PTRH1: variants seen among roughly 807,000 people sequenced by gnomAD.
The protein encoded by PTRH1 is peptidyl-tRNA hydrolase 1 homolog.
In PTRH1, 13 loss-of-function variants were observed where a neutral mutation model predicts 15.7. That is an observed-to-expected ratio of 0.83 (90% CI 0.54 to 1.31). PTRH1 has a LOEUF of 1.31. PTRH1 is among the 40% of genes most tolerant of loss of function. The pLI, the probability that PTRH1 is intolerant of heterozygous loss-of-function variation, is 0.00. For synonymous variants in PTRH1, 139 were observed against 136.7 expected (o/e 1.02, Z -0.12); for missense variants, 319 against 296.2 (o/e 1.08, Z -0.56).
At position 127,714,107 on chromosome 9, in the gene PTRH1, C is replaced by T; in HGVS notation, c.638G>A (p.Gly213Glu). The T allele has an allele frequency of 6.2e-7, 1 of 1,612,712 alleles. No homozygotes were observed. Among genetic ancestry groups the T allele is most frequent in the East Asian group, 2.2e-5 (1 of 44,854 alleles). The stretch of plus-strand genomic sequence containing the variant: ...CAGCCATGGCCACTAGTGTCACGGC[C>T]CCAGTGAGGGCCCCTGGCTTCGCTC... Reference protein sequence around the residue: ...IRERSQGPSLGP With the variant: ...IRERSQGPSLEP Residue 213 changes from glycine to glutamate, a missense_variant, in exon 5 of 5, where the codon GGG becomes GAG. Transcript: ENST00000543175.
At chr9:127,697,340 C>T (rs1842569372) in intron 1 of PTRH1, among the ~76,000 whole-genome samples, 1 of 152,136 alleles carries the variant, frequency 6.6e-6, no homozygotes, top group Admixed American at 6.5e-5. Flanking sequence ...AAAGTGGCAC[C>T]AGCTGTTGGC....
At chr9:127,698,515 A>G (rs1320390450) in intron 1 of PTRH1, among the ~76,000 whole-genome samples, 1 of 151,980 alleles carries the variant, frequency 6.6e-6, no homozygotes, top group African/African-American at 2.4e-5. Flanking sequence ...GTGAGACCTC[A>G]TCTCTACAAA....
chr9:127,704,519 A>G (rs538109460), intron 1 of PTRH1, among the ~76,000 whole-genome samples: 32 of 151,852 alleles, frequency 2.1e-4, no homozygotes, highest in Middle Eastern at 3.4e-3. Flanking sequence ...AAAAAAAAAA[A>G]AAAAGAAAAG....
chr9:127,708,145 C>T (rs917857593), intron 1 of PTRH1, among the ~76,000 whole-genome samples: 2 of 152,186 alleles, frequency 1.3e-5, no homozygotes, highest in Non-Finnish European at 2.9e-5. Context: ...TGTGTGCAGT[C>T]ACTATTTGAA....
At chr9:127,712,719 A>T, downstream of PTRH1, 1 of 1,614,134 alleles carries the variant, frequency 6.2e-7, no homozygotes, top group Non-Finnish European at 8.5e-7. Context: ...ATGCACCGCG[A>T]TGAAGAGGAC....
At chr9:127,712,603 A>C (rs775587587), downstream of PTRH1, 22 of 1,593,016 alleles carry the variant, frequency 1.4e-5, no homozygotes, top group Non-Finnish European at 1.7e-5. Context: ...ATCCCACCAC[A>C]GACAGGGAAA....
intron 1 of PTRH1, chr9:127,706,953 T>C: frequency 2.6e-6 from 4 of 1,537,656 alleles, no homozygotes; most frequent in Non-Finnish European, 3.5e-6. Context: ...TCCCTCGGCC[T>C]GTTGCTATGT....
intron 1 of PTRH1, among the ~76,000 whole-genome samples, chr9:127,701,164 T>C (rs1227988956): frequency 6.6e-6 from 1 of 152,188 alleles, no homozygotes; most frequent in Non-Finnish European, 1.5e-5. Flanking sequence ...TTCTCCTACC[T>C]GTCTCTGGTC....
At chr9:127,699,623 C>A (rs1842589289) in intron 1 of PTRH1, among the ~76,000 whole-genome samples, 1 of 151,996 alleles carries the variant, frequency 6.6e-6, no homozygotes, top group Non-Finnish European at 1.5e-5. Context: ...ACCAGTGACA[C>A]GCAGATTGGT....
chr9:127,714,528 G>C, intron 3 of PTRH1, 75 bp downstream of exon 3: 1 of 1,591,878 alleles, frequency 6.3e-7, no homozygotes, highest in South Asian at 1.1e-5. Context: ...TGTGGAGACT[G>C]GGTCAGCAGC....
At chr9:127,712,373 G>C, downstream of PTRH1, 1 of 1,612,288 alleles carries the variant, frequency 6.2e-7, no homozygotes. Flanking sequence ...AGAGAGGGAG[G>C]GCGCAAGGGG....
intron 4 of PTRH1, 48 bp downstream of exon 4, chr9:127,714,331 G>T (rs1318680442): frequency 1.9e-6 from 3 of 1,614,088 alleles, no homozygotes; most frequent in African/African-American, 1.3e-5. Flanking sequence ...GGTGCTGGGG[G>T]ACCCCTGGCC....
chr9:127,713,358 G>A (rs569702729), downstream of PTRH1: 57 of 638,728 alleles, frequency 8.9e-5, no homozygotes, highest in Middle Eastern at 4.4e-4. Context: ...GAAAGGAGTG[G>A]CCAAGCCTCA....
At chr9:127,714,747 A>G (rs1318553488) in intron 2 of PTRH1, 45 bp from the exon 3 acceptor site, 7 of 1,505,168 alleles carry the variant, frequency 4.7e-6, no homozygotes, top group Non-Finnish European at 5.5e-6. Flanking sequence ...CCATCTGCCC[A>G]GAGAGGCACT....
Position 127,715,598 on chromosome 9 carries a change from A to G in PTRH1, c.42T>C (p.Ser14=), listed in dbSNP as rs1842953143. The change falls in exon 1 of 5, where the codon AGT becomes AGC. Residue 14 remains serine, a synonymous_variant. Coordinates refer to ENST00000543175, the MANE Select transcript of PTRH1 (RefSeq NM_001002913.3). This position sits in a 1 kb window ranked among gnomAD's most constrained non-coding sequence, Gnocchi z 5.8. ...CCAAAACACATCGGCTCATGGCTCTACTCAGCCGCTGTCCGGCGCCCAAAA... is the reference window on the plus strand; with the variant it reads ...CCAAAACACATCGGCTCATGGCTCTGCTCAGCCGCTGTCCGGCGCCCAAAA... The part of the protein sequence containing the change: ...GGFLGAGQRL[S]RAMSRCVLEP... 6.2e-7 allele frequency: 1 copy of G among 1,612,796 alleles called. No individual in the cohort carries two copies. Among genetic ancestry groups the G allele is most frequent in the Non-Finnish European group, 8.5e-7 (1 of 1,179,994 alleles).
At chr9:127,707,079 CAAG>C (rs1564364084) in intron 1 of PTRH1, 1 of 1,613,936 alleles carries the variant, frequency 6.2e-7, no homozygotes. Context: ...AGCTTGAAGT[CAAG>C]AAGAAAGGGG....
chr9:127,710,619 TG>T, downstream of PTRH1: 1 of 1,585,424 alleles, frequency 6.3e-7, no homozygotes, highest in Non-Finnish European at 8.6e-7. Context: ...CTGGCAGCCC[TG>T]GAGGAGTTCC....
intron 1 of PTRH1, among the ~76,000 whole-genome samples, chr9:127,701,720 T>G (rs1438687377): frequency 1.3e-5 from 2 of 151,990 alleles, no homozygotes; most frequent in East Asian, 3.9e-4. Context: ...AAGACCAGCC[T>G]GACCAACATG....
At chr9:127,711,137 A>G (rs1842756666), downstream of PTRH1, 4 of 1,480,276 alleles carry the variant, frequency 2.7e-6, no homozygotes, top group South Asian at 5.4e-5. Flanking sequence ...GGTGTTTAAC[A>G]GCCCTAGGTG....
Sources: allele counts gnomAD v4.1 joint callset (sites outside exome capture counted in the v4.1 genomes callset), GRCh38; gene constraint gnomAD v4.1.1; non-coding constraint Gnocchi (gnomAD v3.1); transcripts MANE v1.5; gene names NCBI Gene and HGNC (gene_info 2026-07-23, HGNC 2026-07-21).